The following MYO18B variants were observed in gnomAD, a reference collection of about 807,000 sequenced individuals.
MYO18B encodes unconventional myosin-XVIIIb.
In MYO18B, 204 loss-of-function variants were observed where a neutral mutation model predicts 273.0. The observed-to-expected ratio is 0.75, with a 90% CI of 0.67 to 0.84. The LOEUF (loss-of-function observed/expected upper bound fraction) is 0.84, where lower values mean the gene tolerates loss of function less well. Among genes scored for constraint, MYO18B ranks in the 40% least tolerant of loss-of-function variants. The pLI is 0.00. For synonymous variants in MYO18B, 1,330 were observed against 1,305.7 expected, an observed-to-expected ratio of 1.02 and a Z score of -0.40; for missense variants, 3,212 against 3,287.6, an observed-to-expected ratio of 0.98 and a Z score of 0.56.
chr22:25,918,280 A>G (rs1198983245), intron 33 of MYO18B, among the ~76,000 whole-genome samples: 2 of 152,180 alleles, frequency 1.3e-5, no homozygotes, highest in Non-Finnish European at 2.9e-5. Context: ...ACCATATTTT[A>G]ATAGTGTTTG....
In MYO18B at chr22:25,972,607, G is replaced by A. The variant is rs144120000; in HGVS notation, c.6156+17243G>A. On this transcript the variant is annotated intron_variant, in intron 39 of 43. Transcript: ENST00000335473. ...GCAGCATGGCAGGAGCCCTGATGTC[G>A]GTATTTCATCAGCACTGAATTGCAG... Among the ~76,000 whole-genome samples the A allele has an allele frequency of 7.3e-4, 111 of 152,252 alleles. 1 individual carries two copies. The East Asian group carries it at 0.02, about 28-fold the overall frequency.
At chr22:25,889,496 G>GA (rs1173503941) in intron 25 of MYO18B, among the ~76,000 whole-genome samples, 1 of 152,032 alleles carries the variant, frequency 6.6e-6, no homozygotes, top group Admixed American at 6.6e-5. Flanking sequence ...CAGAGCAGGA[G>GA]GGAATGTCCA....
At chr22:25,875,962 A>G (rs961855871) in intron 23 of MYO18B, among the ~76,000 whole-genome samples, 3 of 151,938 alleles carry the variant, frequency 2.0e-5, no homozygotes, top group Non-Finnish European at 2.9e-5. Flanking sequence ...TGTTTGATGC[A>G]GAGAGCCTGA....
At chr22:25,897,259 C>T (rs1364947837) in intron 28 of MYO18B, 2 of 152,206 alleles carry the variant, frequency 1.3e-5, no homozygotes, top group Non-Finnish European at 2.9e-5. Context: ...ATTTGTGTAT[C>T]TATTCTATTC....
Position 25,814,294 on chromosome 22 carries a change from C to CTTTTTTTTT in MYO18B, c.2522-9176_2522-9168dup, listed in dbSNP as rs398036691. Among the ~76,000 whole-genome samples the CTTTTTTTTT allele has an allele frequency of 1.4e-3, 84 of 59,494 alleles. 4 individuals carry two copies. The highest frequency in any genetic ancestry group is 2.1e-3 in the Non-Finnish European group (64 of 30,814). 39.0% of individuals were successfully genotyped at this position (59,494 alleles called of 152,430 possible). On this transcript the variant is annotated intron_variant, in intron 12 of 43. Coordinates refer to ENST00000335473, the MANE Select transcript of MYO18B (RefSeq NM_032608.7). Reference sequence around the variant, plus strand: ...GCTTGCCATGCTCCCAGGCACCGTTCTTTTTTTTTTTTTTTTTTTTTTTTT... The same window carrying CTTTTTTTTT: ...GCTTGCCATGCTCCCAGGCACCGTTCTTTTTTTTTTTTTTTTTTTTTTTTTTTTTTTTTT...
At chr22:25,975,587 G>C (rs980856888) in intron 39 of MYO18B, among the ~76,000 whole-genome samples, 1 of 152,340 alleles carries the variant, frequency 6.6e-6, no homozygotes. Context: ...GCTTACAAGA[G>C]TTGAAGTGAT....
At chr22:25,772,566 G>T in intron 7 of MYO18B, 56 bp downstream of exon 7, 2 of 1,531,016 alleles carry the variant, frequency 1.3e-6, no homozygotes, top group Admixed American at 3.9e-5. Flanking sequence ...GGGGCCTGGG[G>T]GGATCCCTCT....
chr22:25,979,177 C>T (rs2093124153), intron 39 of MYO18B, among the ~76,000 whole-genome samples: 1 of 152,172 alleles, frequency 6.6e-6, no homozygotes, highest in African/African-American at 2.4e-5. Flanking sequence ...TTTCTGCAAT[C>T]ACGTGGGCTA....
chr22:26,044,936 T>C, the MYO18B span, among the ~76,000 whole-genome samples: 2 of 152,130 alleles, frequency 1.3e-5, no homozygotes, highest in Non-Finnish European at 2.9e-5. Flanking sequence ...TGGCAATGAG[T>C]GTGGCAAATT....
chr22:25,791,531 C>G (rs1047120464), intron 11 of MYO18B, among the ~76,000 whole-genome samples: 1 of 152,222 alleles, frequency 6.6e-6, no homozygotes, highest in South Asian at 2.1e-4. Flanking sequence ...TGCCAAGCAC[C>G]AGGATACATC....
intron 21 of MYO18B, among the ~76,000 whole-genome samples, chr22:25,853,346 G>T (rs1184224623): frequency 6.6e-6 from 1 of 152,176 alleles, no homozygotes; most frequent in Admixed American, 6.5e-5. Context: ...CTTTGCAGTG[G>T]GTACCAGGGC....
chr22:25,749,936 T>G (rs1390115144), intron 1 of MYO18B, among the ~76,000 whole-genome samples: 1 of 152,120 alleles, frequency 6.6e-6, no homozygotes, highest in African/African-American at 2.4e-5. Context: ...AAAAATAAAG[T>G]CAAATTGAAA....
At chr22:25,840,397 C>G (rs990376340) in intron 17 of MYO18B, among the ~76,000 whole-genome samples, 2 of 152,264 alleles carry the variant, frequency 1.3e-5, no homozygotes, top group African/African-American at 4.8e-5. Flanking sequence ...TCCCTGACCT[C>G]TTTGTAAAAA....
chr22:25,829,692 G>T (rs1480581166), intron 15 of MYO18B, among the ~76,000 whole-genome samples: 1 of 151,974 alleles, frequency 6.6e-6, no homozygotes, highest in Non-Finnish European at 1.5e-5. Flanking sequence ...ACAAAAATTA[G>T]CCAGACTCAG....
chr22:25,804,990 G>A (rs2088401749), intron 12 of MYO18B, among the ~76,000 whole-genome samples: 1 of 152,196 alleles, frequency 6.6e-6, no homozygotes, highest in African/African-American at 2.4e-5. Context: ...GCCCATGGCT[G>A]TGATGGGCAA....
chr22:25,795,797 G>A (rs1057473723), intron 11 of MYO18B, among the ~76,000 whole-genome samples: 1 of 152,074 alleles, frequency 6.6e-6, no homozygotes, highest in African/African-American at 2.4e-5. Flanking sequence ...CTTTGACGTC[G>A]TCCCAATTGG....
intron 9 of MYO18B, among the ~76,000 whole-genome samples, chr22:25,781,398 A>G (rs2087142965): frequency 6.6e-6 from 1 of 152,010 alleles, no homozygotes; most frequent in Admixed American, 6.5e-5. Flanking sequence ...TCATGAGGTC[A>G]GGAGATTGAC....
In MYO18B at chr22:26,027,125, G is replaced by A. The variant is rs369430638; in HGVS notation, c.7151G>A (p.Arg2384Lys). 7.4e-5 allele frequency: 119 copies of A among 1,614,002 alleles called. 1 individual carries two copies. In the African/African-American group the frequency reaches 1.1e-3, roughly 15 times the overall value. ...TTGTCGCCCACACTGCGTCCTCGGA[G>A]GCGGTGTCTGGAGTCCTCTGTGGAC... is the stretch of plus-strand genomic sequence containing the variant. ...MLLSPTLRPR[R>K]RCLESSVDDA... is the part of the protein sequence containing the mutation. The change falls in exon 43 of 44, where the codon AGG becomes AAG. Residue 2384 changes from arginine to lysine, a missense_variant. Coordinates refer to ENST00000335473, the MANE Select transcript of MYO18B (RefSeq NM_032608.7). The surrounding 1 kb of genome is among the most constrained non-coding windows in gnomAD (Gnocchi z 4.1).
Position 25,768,869 on chromosome 22 carries a change from G to C in MYO18B, c.953G>C (p.Trp318Ser), listed in dbSNP as rs369889484. ...AGGCCCCAAATCCCTGGGAGAAAGT[G>C]GGGAGGTTTCCTGGGAAGAAGGAGT... ...HVRPQIPGRK[W>S]GGFLGRRSKW... Residue 318 changes from tryptophan to serine, a missense_variant, in exon 4 of 44, where the codon TGG becomes TCG. Coordinates refer to ENST00000335473, the MANE Select transcript of MYO18B (RefSeq NM_032608.7). 21 of 1,613,002 alleles carry C rather than the reference G, an allele frequency of 1.3e-5. No homozygotes were observed. The highest frequency in any genetic ancestry group is 1.6e-4 in the Middle Eastern group (1 of 6,084).
Sources: allele counts gnomAD v4.1 joint callset (sites outside exome capture counted in the v4.1 genomes callset), GRCh38; gene constraint gnomAD v4.1.1; non-coding constraint Gnocchi (gnomAD v3.1); transcripts MANE v1.5; gene names NCBI Gene and HGNC (gene_info 2026-07-23, HGNC 2026-07-21).